LIPC: variants seen among roughly 807,000 people sequenced by gnomAD.
LIPC encodes hepatic triacylglycerol lipase.
LIPC carries 44 observed loss-of-function variants against 50.7 expected under a neutral mutation model. That is an observed-to-expected ratio of 0.87 (90% CI 0.68 to 1.11). The LOEUF (loss-of-function observed/expected upper bound fraction) is 1.11. Among genes scored for constraint, LIPC ranks in the 50% most tolerant of loss-of-function variants. The pLI is 0.00. For missense variants in LIPC, 697 were observed against 648.2 expected (o/e 1.08, Z -0.82); for synonymous variants, 271 against 256.4 (o/e 1.06, Z -0.54).
intron 1 of LIPC, among the ~76,000 whole-genome samples, chr15:58,473,365 G>C (rs34577128): frequency 6.6e-6 from 1 of 152,074 alleles, no homozygotes; most frequent in South Asian, 2.1e-4. Flanking sequence ...AAGCCCTCGT[G>C]GTGAGGAAAG....
intron 1 of LIPC, among the ~76,000 whole-genome samples, chr15:58,443,849 G>A (rs545294240): frequency 1.6e-4 from 25 of 152,336 alleles, no homozygotes; most frequent in Admixed American, 1.1e-3. Flanking sequence ...AATGTTTTGC[G>A]GGCAGGGGGT....
chr15:58,455,360 T>C (rs1447180440), intron 1 of LIPC, among the ~76,000 whole-genome samples: 2 of 152,154 alleles, frequency 1.3e-5, no homozygotes, highest in Non-Finnish European at 2.9e-5. Flanking sequence ...ATAAACCTAA[T>C]TCACAAAAAC....
intron 1 of LIPC, among the ~76,000 whole-genome samples, chr15:58,461,568 C>T (rs574519900): frequency 6.6e-6 from 1 of 151,658 alleles, no homozygotes; most frequent in African/African-American, 2.4e-5. Context: ...ACCACCATGC[C>T]AGGCTAATTT....
At chr15:58,542,716 T>C in intron 4 of LIPC, 65 bp downstream of exon 4, 1 of 1,055,512 alleles carries the variant, frequency 9.5e-7, no homozygotes, top group African/African-American at 1.6e-5. Context: ...AAGGACCTGC[T>C]TTTCCAACAG....
chr15:58,512,794 A>T (rs1427627303), intron 1 of LIPC, among the ~76,000 whole-genome samples: 1 of 152,104 alleles, frequency 6.6e-6, no homozygotes, highest in East Asian at 1.9e-4. Flanking sequence ...TGGAAGGTAA[A>T]ATCCTGCCCC....
At chr15:58,465,942 G>GAGAT (rs1407687589) in intron 1 of LIPC, among the ~76,000 whole-genome samples, 1 of 152,156 alleles carries the variant, frequency 6.6e-6, no homozygotes. Flanking sequence ...TCTTTTGGTA[G>GAGAT]AGATCTAAAA....
intron 1 of LIPC, among the ~76,000 whole-genome samples, chr15:58,502,098 G>A (rs564673984): frequency 5.9e-5 from 9 of 152,178 alleles, no homozygotes; most frequent in African/African-American, 1.9e-4. Flanking sequence ...GGCAATGCCA[G>A]GGAGAGAGAG....
In LIPC at chr15:58,508,714, A is replaced by G. The variant is rs529931620; in HGVS notation, c.89-29619A>G. Among the ~76,000 whole-genome samples, 41 of 103,458 alleles carry G rather than the reference A, an allele frequency of 4.0e-4. No individual in the cohort carries two copies. In the South Asian group the frequency reaches 0.011, roughly 29 times the overall value. The allele number at this position is 103,458 out of a possible 152,430, so 67.9% of individuals were successfully genotyped here. On this transcript the variant is annotated intron_variant, in intron 1 of 8. Coordinates refer to ENST00000299022, the MANE Select transcript of LIPC (RefSeq NM_000236.3). ...TGACATAGTCCCCAACAAGGTTCTC[A>G]TTAGTCCCAGTTTTTTTTTGGACAC...
chr15:58,566,062 T>C (rs1894356050), intron 8 of LIPC: 1 of 981,438 alleles, frequency 1.0e-6, no homozygotes, highest in African/African-American at 1.7e-5. Flanking sequence ...CATCTGGGAA[T>C]CATGTTAAAA....
chr15:58,560,110 T>TGCCATGTATTTAACAAC (rs1894106943), intron 6 of LIPC, among the ~76,000 whole-genome samples: 1 of 152,274 alleles, frequency 6.6e-6, no homozygotes, highest in African/African-American at 2.4e-5. Flanking sequence ...CATTTAACGA[T>TGCCATGTATTTAACAAC]GCCATGTATT....
At position 58,552,061 on chromosome 15, in the gene LIPC, T is replaced by C. The variant is rs1203507350; in HGVS notation, c.1051+3489T>C. ...GAACCTTTACCAGTTTGGGAGCCTG[T>C]TTTTAAGGGAGGGGGAGGGAAACGG... On this transcript the variant is annotated intron_variant, in intron 6 of 8. Transcript: ENST00000299022. 2.0e-5 allele frequency among the ~76,000 whole-genome samples: 3 copies of C among 152,196 alleles called. No homozygotes were observed. In the East Asian group the frequency reaches 5.8e-4, roughly 29 times the overall value.
chr15:58,469,933 A>ATTTT lies in LIPC; in HGVS notation c.88+37827_88+37830dup, dbSNP rs11369488. On this transcript the variant is annotated intron_variant, in intron 1 of 8. Coordinates refer to ENST00000299022, the MANE Select transcript of LIPC (RefSeq NM_000236.3). Reference sequence around the variant, plus strand: ...CCATCACCTTCCTCATCTTCATGGAATTTTTTTTTTTTTTTTTGAGACAAG... The same window carrying ATTTT: ...CCATCACCTTCCTCATCTTCATGGAATTTTTTTTTTTTTTTTTTTTTGAGACAAG... 8.7e-5 allele frequency among the ~76,000 whole-genome samples: 12 copies of ATTTT among 138,356 alleles called. 1 individual carries two copies. The highest frequency in any genetic ancestry group is 3.8e-3 in the Middle Eastern group (1 of 262). The allele number at this position is 138,356 out of a possible 152,430, so 90.8% of individuals were successfully genotyped here.
chr15:58,524,768 C>G (rs1892752798), intron 1 of LIPC, among the ~76,000 whole-genome samples: 1 of 152,276 alleles, frequency 6.6e-6, no homozygotes, highest in African/African-American at 2.4e-5. Flanking sequence ...GGTTGCTGTC[C>G]TTGGTCTCCT....
intron 1 of LIPC, among the ~76,000 whole-genome samples, chr15:58,490,372 G>A (rs533091598): frequency 2.0e-5 from 3 of 152,178 alleles, no homozygotes; most frequent in African/African-American, 4.8e-5. Flanking sequence ...CCAAAAGAGC[G>A]TATCTCCTCC....
At chr15:58,447,895 C>T (rs573922) in intron 1 of LIPC, among the ~76,000 whole-genome samples, 121,061 of 152,126 alleles carry the variant, frequency 0.8, 48,379 homozygotes, top group Middle Eastern at 0.84. Flanking sequence ...TGTTCTAGCA[C>T]TGGAGGAACA....
chr15:58,434,211 A>G (rs1893216357), intron 1 of LIPC, among the ~76,000 whole-genome samples: 1 of 151,990 alleles, frequency 6.6e-6, no homozygotes, highest in Non-Finnish European at 1.5e-5. Flanking sequence ...AAACATTATT[A>G]GTGCAGAGGC....
rs895107 is a variant in LIPC at position 58,451,034 on chromosome 15, A to G, written c.88+18914A>G. On this transcript the variant is annotated intron_variant, in intron 1 of 8. Coordinates refer to ENST00000299022, the MANE Select transcript of LIPC (RefSeq NM_000236.3). ...GCTGCCTTCCTTCCCCAGGCAACGTACTAGGAAGAATCATGGTTTACTGAA... is the reference window on the plus strand; with the variant it reads ...GCTGCCTTCCTTCCCCAGGCAACGTGCTAGGAAGAATCATGGTTTACTGAA... 9.8e-3 allele frequency among the ~76,000 whole-genome samples: 1,489 copies of G among 152,278 alleles called. 19 individuals are homozygous for G. Among genetic ancestry groups the G allele is most frequent in the African/African-American group, 0.034 (1,429 of 41,532 alleles).
chr15:58,445,792 A>G (rs1893674457), intron 1 of LIPC, among the ~76,000 whole-genome samples: 1 of 152,180 alleles, frequency 6.6e-6, no homozygotes, highest in African/African-American at 2.4e-5. Context: ...TAGAGACCCC[A>G]CTGGGCTGTT....
chr15:58,443,621 G>T lies in LIPC; in HGVS notation c.88+11501G>T, dbSNP rs573671882. Among the ~76,000 whole-genome samples the T allele has an allele frequency of 1.3e-3, 205 of 152,328 alleles. 1 individual carries two copies. Among genetic ancestry groups the T allele is most frequent in the Admixed American group, 6.6e-3 (101 of 15,304 alleles). On this transcript the variant is annotated intron_variant, in intron 1 of 8. Transcript: ENST00000299022. Reference sequence around the variant, plus strand: ...GAAGAGGACCCTCCACGGCTCCTCGGTGACTTAGTAGTATCAAGACAACAC... The same window carrying T: ...GAAGAGGACCCTCCACGGCTCCTCGTTGACTTAGTAGTATCAAGACAACAC...
Sources: allele counts gnomAD v4.1 joint callset (sites outside exome capture counted in the v4.1 genomes callset), GRCh38; gene constraint gnomAD v4.1.1; transcripts MANE v1.5; gene names NCBI Gene and HGNC (gene_info 2026-07-23, HGNC 2026-07-21).